The following GALNTL6 variants were observed in gnomAD, a reference collection of about 807,000 sequenced individuals.
GALNTL6 encodes polypeptide N-acetylgalactosaminyltransferase-like 6.
In GALNTL6, 46 loss-of-function variants were observed where a neutral mutation model predicts 73.7. The ratio of observed to expected loss-of-function variants is 0.62; its 90% CI spans 0.49 to 0.80. GALNTL6 has a LOEUF of 0.80. Among genes scored for constraint, GALNTL6 ranks in the 30% least tolerant of loss-of-function variants. GALNTL6 has a pLI of 0.00. For synonymous variants in GALNTL6, 259 were observed against 263.7 expected (o/e 0.98, Z 0.17); for missense variants, 604 against 755.0 (o/e 0.80, Z 2.34).
chr4:172,783,222 G>C (rs1418902587), intron 5 of GALNTL6, among the ~76,000 whole-genome samples: 1 of 150,470 alleles, frequency 6.6e-6, no homozygotes, highest in Non-Finnish European at 1.5e-5. Flanking sequence ...AAACTAAAAA[G>C]GACCTAAATA....
At chr4:172,730,551 C>T (rs1197606129) in intron 5 of GALNTL6, among the ~76,000 whole-genome samples, 1 of 152,148 alleles carries the variant, frequency 6.6e-6, no homozygotes, top group African/African-American at 2.4e-5. Context: ...TATGTTGAAA[C>T]ATTGTCTTAC....
chr4:172,037,886 G>A (rs1339691220), intron 2 of GALNTL6, among the ~76,000 whole-genome samples: 1 of 152,168 alleles, frequency 6.6e-6, no homozygotes, highest in Non-Finnish European at 1.5e-5. Flanking sequence ...GGGAGGCTGA[G>A]GCAGGTGGAT....
chr4:172,660,473 A>G (rs1056487900), intron 5 of GALNTL6, among the ~76,000 whole-genome samples: 1 of 152,232 alleles, frequency 6.6e-6, no homozygotes, highest in Non-Finnish European at 1.5e-5. Flanking sequence ...GGAATGTTGA[A>G]CTGGAGGGAA....
intron 5 of GALNTL6, among the ~76,000 whole-genome samples, chr4:172,748,485 A>G (rs1162856824): frequency 6.6e-6 from 1 of 151,988 alleles, no homozygotes; most frequent in African/African-American, 2.4e-5. Context: ...TTTTTCTCTC[A>G]TCAACATTAT....
chr4:172,939,817 AC>A (rs1346417580), intron 9 of GALNTL6, among the ~76,000 whole-genome samples: 2 of 152,182 alleles, frequency 1.3e-5, no homozygotes, highest in African/African-American at 4.8e-5. Context: ...GCCAAGGGAA[AC>A]CATTCTGTCA....
At chr4:171,915,225 A>C (rs531432359) in intron 2 of GALNTL6, among the ~76,000 whole-genome samples, 10 of 152,188 alleles carry the variant, frequency 6.6e-5, no homozygotes, top group Non-Finnish European at 1.5e-4. Flanking sequence ...ATTGGAAGAC[A>C]AAAGACTCCA....
Position 171,988,659 on chromosome 4 carries a change from A to T in GALNTL6, c.138+173941A>T, listed in dbSNP as rs941042970. 6.6e-5 allele frequency among the ~76,000 whole-genome samples: 10 copies of T among 152,196 alleles called. No individual in the cohort carries two copies. In the South Asian group the frequency reaches 8.3e-4, roughly 13 times the overall value. On this transcript the variant is annotated intron_variant, in intron 2 of 12. Transcript: ENST00000506823. ...TAACCTGTAAGCCTTGCCTGGTTTTAGGACAGGTAAAATGGGGGAATGGTA... is the reference window on the plus strand; with the variant it reads ...TAACCTGTAAGCCTTGCCTGGTTTTTGGACAGGTAAAATGGGGGAATGGTA...
At chr4:171,862,011 G>T (rs1735842034) in intron 2 of GALNTL6, among the ~76,000 whole-genome samples, 1 of 152,018 alleles carries the variant, frequency 6.6e-6, no homozygotes, top group South Asian at 2.1e-4. Flanking sequence ...ATGGAAGGTG[G>T]TATTTCTTCC....
In GALNTL6 at chr4:171,913,575, T is replaced by C. The variant is rs1737531625; in HGVS notation, c.138+98857T>C. 2.0e-5 allele frequency among the ~76,000 whole-genome samples: 3 copies of C among 152,258 alleles called. No individual in the cohort carries two copies. The South Asian group carries it at 6.2e-4, about 31-fold the overall frequency. On this transcript the variant is annotated intron_variant, in intron 2 of 12. Coordinates refer to ENST00000506823, the MANE Select transcript of GALNTL6 (RefSeq NM_001034845.3). ...AATATTCAAAGCAAACCATTTTTCA[T>C]ATAAATCTATATTTGTTTTTAATAA...
intron 2 of GALNTL6, among the ~76,000 whole-genome samples, chr4:171,901,653 G>A (rs985555822): frequency 3.3e-5 from 5 of 152,142 alleles, no homozygotes; most frequent in African/African-American, 9.7e-5. Context: ...TCAGATCCCT[G>A]GAGCTGCAGA....
chr4:172,462,839 C>A (rs550498977), intron 5 of GALNTL6, among the ~76,000 whole-genome samples: 1 of 152,240 alleles, frequency 6.6e-6, no homozygotes, highest in East Asian at 1.9e-4. Context: ...CCTTAGACAG[C>A]AGGTAGGATT....
chr4:172,846,134 C>G (rs73000149), intron 7 of GALNTL6, among the ~76,000 whole-genome samples: 3,756 of 152,190 alleles, frequency 0.025, 148 homozygotes, highest in African/African-American at 0.085. Flanking sequence ...GCCCTGGCCC[C>G]AGTAGGGAAG....
chr4:172,045,628 T>C (rs957411400), intron 2 of GALNTL6, among the ~76,000 whole-genome samples: 17 of 151,952 alleles, frequency 1.1e-4, no homozygotes, highest in African/African-American at 3.9e-4. Flanking sequence ...CTGTTCCTTT[T>C]TAGGCATGTG....
At chr4:172,861,609 C>A (rs1200947049) in intron 7 of GALNTL6, among the ~76,000 whole-genome samples, 2 of 152,186 alleles carry the variant, frequency 1.3e-5, no homozygotes, top group Non-Finnish European at 2.9e-5. Flanking sequence ...TATGTCCCCA[C>A]CCACATCTTA....
At chr4:172,085,701 AT>A (rs548188889) in intron 2 of GALNTL6, among the ~76,000 whole-genome samples, 326 of 151,736 alleles carry the variant, frequency 2.1e-3, no homozygotes, top group African/African-American at 6.8e-3. Context: ...ATATAAATGT[AT>A]TTAAAAATCT....
chr4:172,218,247 A>G (rs1579267564), intron 2 of GALNTL6, among the ~76,000 whole-genome samples: 1 of 152,220 alleles, frequency 6.6e-6, no homozygotes, highest in East Asian at 1.9e-4. Flanking sequence ...ACCTTTCCCC[A>G]ACTTGGATAA....
intron 12 of GALNTL6, among the ~76,000 whole-genome samples, chr4:173,026,816 G>C (rs962186608): frequency 3.9e-4 from 59 of 151,958 alleles, no homozygotes; most frequent in African/African-American, 1.3e-3. Flanking sequence ...TCTTTTTTCT[G>C]TTTAGTGGAG....
intron 2 of GALNTL6, among the ~76,000 whole-genome samples, chr4:172,133,806 C>G (rs1733564323): frequency 6.6e-6 from 1 of 152,116 alleles, no homozygotes; most frequent in African/African-American, 2.4e-5. Context: ...ATAAAATGGC[C>G]ATACACAGGT....
chr4:172,632,888 C>T lies in GALNTL6; in HGVS notation c.554-176473C>T, dbSNP rs372861499. ...CAGCTCCAGCTATGGCTAAAAGGGG[C>T]GAACATACAGCTCAGGCCATTGCTT... On this transcript the variant is annotated intron_variant, in intron 5 of 12. Coordinates refer to ENST00000506823, the MANE Select transcript of GALNTL6 (RefSeq NM_001034845.3). Among the ~76,000 whole-genome samples the T allele has an allele frequency of 1.9e-3, 289 of 152,324 alleles. 2 individuals carry two copies. Among genetic ancestry groups the T allele is most frequent in the African/African-American group, 6.5e-3 (272 of 41,586 alleles).
Sources: allele counts gnomAD v4.1 joint callset (sites outside exome capture counted in the v4.1 genomes callset), GRCh38; gene constraint gnomAD v4.1.1; transcripts MANE v1.5; gene names NCBI Gene and HGNC (gene_info 2026-07-23, HGNC 2026-07-21).